The following INPP5A variants were observed in gnomAD, a reference collection of about 807,000 sequenced individuals.
The protein encoded by INPP5A is 43 kDa inositol polyphosphate 5-phophatase.
A neutral mutation model predicts 65.2 loss-of-function variants in INPP5A; 14 were observed. The ratio of observed to expected loss-of-function variants is 0.21; its 90% confidence interval spans 0.14 to 0.34. INPP5A has a LOEUF of 0.34. INPP5A is among the 10% of genes least tolerant of loss of function. INPP5A has a pLI of 1.00. For missense variants in INPP5A, 431 were observed against 545.6 expected, an observed-to-expected ratio of 0.79 and a Z score of 2.09; for synonymous variants, 207 against 208.3, an observed-to-expected ratio of 0.99 and a Z score of 0.05.
At chr10:132,579,157 G>A (rs143544219) in intron 1 of INPP5A, among the ~76,000 whole-genome samples, 6,446 of 152,110 alleles carry the variant, frequency 0.042, 248 homozygotes, top group Non-Finnish European at 0.057. Flanking sequence ...AGGCAGAGCC[G>A]CGCCGGTTGC....
At position 132,705,018 on chromosome 10, in the gene INPP5A, C is replaced by T. The variant is rs957681205; in HGVS notation, c.475-3295C>T. Among the ~76,000 whole-genome samples the T allele has an allele frequency of 6.6e-6, 1 of 151,970 alleles. No individual in the cohort carries two copies. Among genetic ancestry groups the T allele is most frequent in the African/African-American group, 2.4e-5 (1 of 41,382 alleles). ...AGTGTGGAGGATGGAGGAAGGGCGTCTGGACAGGTGGCAGGCGGCTCGTCT... is the reference window on the plus strand; with the variant it reads ...AGTGTGGAGGATGGAGGAAGGGCGTTTGGACAGGTGGCAGGCGGCTCGTCT... On this transcript the variant is annotated intron_variant, in intron 6 of 15. Coordinates refer to ENST00000368594, the MANE Select transcript of INPP5A (RefSeq NM_005539.5). This position sits in a 1 kb window ranked among gnomAD's most constrained non-coding sequence, Gnocchi z 4.9.
intron 1 of INPP5A, among the ~76,000 whole-genome samples, chr10:132,577,563 C>T (rs2071425433): frequency 6.6e-6 from 1 of 152,168 alleles, no homozygotes; most frequent in Non-Finnish European, 1.5e-5. Flanking sequence ...CAGGGAGGGG[C>T]CTGAGCCCCC....
At chr10:132,595,886 G>A (rs2071679904) in intron 1 of INPP5A, among the ~76,000 whole-genome samples, 1 of 143,180 alleles carries the variant, frequency 7.0e-6, no homozygotes, top group Non-Finnish European at 1.6e-5. Flanking sequence ...ACATTTGAAA[G>A]TAATGAGTTT....
rs2072205264 is a variant in INPP5A, at chr10:132,627,695, G to T, written c.118-18173G>T. 6.6e-6 allele frequency among the ~76,000 whole-genome samples: 1 copy of T among 152,206 alleles called. No homozygotes were observed. Among genetic ancestry groups the T allele is most frequent in the Non-Finnish European group, 1.5e-5 (1 of 68,038 alleles). On this transcript the variant is annotated intron_variant, in intron 2 of 15. Transcript: ENST00000368594. The surrounding 1 kb of genome is among the most constrained non-coding windows in gnomAD (Gnocchi z 6.6). The stretch of plus-strand genomic sequence containing the variant: ...GGGGCTGGGGGTGTGAGATGGCTGG[G>T]ATTATAGTGAGAGGCGAGACAGGGG...
At chr10:132,561,475 C>T (rs987959233) in intron 1 of INPP5A, among the ~76,000 whole-genome samples, 2 of 151,760 alleles carry the variant, frequency 1.3e-5, no homozygotes, top group African/African-American at 2.4e-5. Flanking sequence ...ATTGAATTGT[C>T]TTGGCATCCT....
At chr10:132,597,705 TGTGCTACGTGTA>T (rs2071722047) in intron 1 of INPP5A, among the ~76,000 whole-genome samples, 2 of 152,036 alleles carry the variant, frequency 1.3e-5, no homozygotes, top group African/African-American at 4.8e-5. Flanking sequence ...GCTGCAGCGC[TGTGCTACGTGTA>T]GTGACCCTGG....
At chr10:132,729,904 A>G (rs1846051853) in intron 9 of INPP5A, among the ~76,000 whole-genome samples, 3 of 152,340 alleles carry the variant, frequency 2.0e-5, no homozygotes, top group African/African-American at 7.2e-5. Context: ...CCTGAGAGTC[A>G]GTAAAGAGCT....
chr10:132,605,299 G>A (rs1222952122), intron 1 of INPP5A, among the ~76,000 whole-genome samples: 2 of 125,074 alleles, frequency 1.6e-5, no homozygotes, highest in Admixed American at 1.5e-4. Context: ...GATCCCCCAG[G>A]AGTGAGGGGG....
At chr10:132,668,010 A>G (rs1019447113) in intron 4 of INPP5A, among the ~76,000 whole-genome samples, 1 of 152,214 alleles carries the variant, frequency 6.6e-6, no homozygotes, top group Non-Finnish European at 1.5e-5. Flanking sequence ...AGTACATTGA[A>G]CATAAGTTGG....
In INPP5A at chr10:132,704,110, A is replaced by G. The variant is rs780795951; in HGVS notation, c.475-4203A>G. ...TCTCTGCTGCAGCATCTGGTTCCCAAAGCATGTCAGGCCCCCCAGTCCCCC... is the reference window on the plus strand; with the variant it reads ...TCTCTGCTGCAGCATCTGGTTCCCAGAGCATGTCAGGCCCCCCAGTCCCCC... On this transcript the variant is annotated intron_variant, in intron 6 of 15. Transcript: ENST00000368594. The surrounding 1 kb of genome is among the most constrained non-coding windows in gnomAD (Gnocchi z 4.5). Among the ~76,000 whole-genome samples the G allele has an allele frequency of 8.6e-5, 13 of 151,578 alleles. No homozygotes were observed. Among genetic ancestry groups the G allele is most frequent in the Non-Finnish European group, 1.2e-4 (8 of 67,888 alleles).
At chr10:132,720,626 G>T in intron 8 of INPP5A, among the ~76,000 whole-genome samples, 1 of 150,688 alleles carries the variant, frequency 6.6e-6, no homozygotes, top group South Asian at 2.1e-4. Context: ...TGTGGTACCT[G>T]GGTTCTGTCT....
chr10:132,588,501 G>A (rs1432230456), intron 1 of INPP5A, among the ~76,000 whole-genome samples: 2 of 152,228 alleles, frequency 1.3e-5, no homozygotes, highest in Non-Finnish European at 2.9e-5. Flanking sequence ...CAGACAAGAG[G>A]ACTTTTCTCA....
rs2072757812 is a variant in INPP5A, at chr10:132,663,145, G to A, written c.306+12640G>A. On this transcript the variant is annotated intron_variant, in intron 4 of 15. Coordinates refer to ENST00000368594, the MANE Select transcript of INPP5A (RefSeq NM_005539.5). The surrounding 1 kb of genome is among the most constrained non-coding windows in gnomAD (Gnocchi z 4.5). ...AACTCGGCACGCCGCAGGACATAAC[G>A]GCAGAGTGTGAGTAATTTTCCATTT... Among the ~76,000 whole-genome samples the A allele has an allele frequency of 1.3e-5, 2 of 152,218 alleles. No homozygotes were observed. The highest frequency in any genetic ancestry group is 4.1e-4 in the South Asian group (2 of 4,832).
Position 132,753,570 on chromosome 10 carries a change from A to G in INPP5A, c.903+3725A>G, listed in dbSNP as rs552083182. Among the ~76,000 whole-genome samples, 7 of 152,262 alleles carry G rather than the reference A, an allele frequency of 4.6e-5. No individual in the cohort carries two copies. The highest frequency in any genetic ancestry group is 3.3e-4 in the Admixed American group (5 of 15,304). ...TCGATATTCCCATCGAAATTGTATA[A>G]TTAATTATAAGTGTAGCTGTCAGGG... On this transcript the variant is annotated intron_variant, in intron 11 of 15. Transcript: ENST00000368594. The surrounding 1 kb of genome is among the most constrained non-coding windows in gnomAD (Gnocchi z 5.3).
At chr10:132,668,348 C>T (rs1158210376) in intron 4 of INPP5A, among the ~76,000 whole-genome samples, 2 of 152,226 alleles carry the variant, frequency 1.3e-5, no homozygotes, top group East Asian at 3.9e-4. Flanking sequence ...CAAAGTGACG[C>T]CCTGTAACTT....
At chr10:132,661,158 T>C (rs1202943901) in intron 4 of INPP5A, among the ~76,000 whole-genome samples, 122 of 152,194 alleles carry the variant, frequency 8.0e-4, no homozygotes, top group Non-Finnish European at 2.4e-4. Context: ...CTTCGTGATA[T>C]GGTTTCAAAA....
Position 132,577,215 on chromosome 10 carries a change from G to A in INPP5A, c.76-30700G>A, listed in dbSNP as rs556016556. ...GGGTCGTGGTGCCCTGAGTGCAGGT[G>A]GGTTGCTCCCCCCCGGCACGCCGCC... On this transcript the variant is annotated intron_variant, in intron 1 of 15. Transcript: ENST00000368594. Among the ~76,000 whole-genome samples the A allele has an allele frequency of 1.1e-4, 16 of 152,294 alleles. No homozygotes were observed. In the South Asian group the frequency reaches 1.9e-3, roughly 18 times the overall value.
intron 4 of INPP5A, among the ~76,000 whole-genome samples, chr10:132,655,492 C>G (rs567760508): frequency 6.6e-6 from 1 of 152,224 alleles, no homozygotes; most frequent in Non-Finnish European, 1.5e-5. Flanking sequence ...CTGCCGGGCA[C>G]GCAGGGAGCT....
intron 6 of INPP5A, among the ~76,000 whole-genome samples, chr10:132,699,866 G>C (rs1046281434): frequency 6.6e-6 from 1 of 152,204 alleles, no homozygotes; most frequent in Non-Finnish European, 1.5e-5. Flanking sequence ...AGCAAGCGGG[G>C]AGCTGAGGCC....
Sources: gnomAD v4.1 joint callset for allele counts (sites outside exome capture counted in the v4.1 genomes callset) on GRCh38, gnomAD v4.1.1 for gene constraint, Gnocchi (gnomAD v3.1) non-coding constraint, MANE v1.5 for transcripts, NCBI Gene and HGNC (gene_info 2026-07-23, HGNC 2026-07-21) for gene names.